The following TCF24 variants were observed in gnomAD, a reference collection of about 807,000 sequenced individuals.
TCF24 encodes the protein transcription factor 24.
TCF24 carries 5 observed loss-of-function variants against 9.3 expected under a neutral mutation model. That is an observed-to-expected ratio of 0.54 (90% confidence interval 0.28 to 1.13). The LOEUF (loss-of-function observed/expected upper bound fraction) is 1.13, where lower values mean the gene tolerates loss of function less well. Among genes scored for constraint, TCF24 ranks in the 50% most tolerant of loss-of-function variants. The pLI, the probability that TCF24 is intolerant of heterozygous loss-of-function variation, is 0.09. For synonymous variants in TCF24, 110 were observed against 115.8 expected, an observed-to-expected ratio of 0.95 and a Z score of 0.32; for missense variants, 220 against 236.1, an observed-to-expected ratio of 0.93 and a Z score of 0.45.
chr8:66,957,277 C>T (rs755594330), intron 3 of TCF24, among the ~76,000 whole-genome samples: 27 of 151,252 alleles, frequency 1.8e-4, no homozygotes, highest in East Asian at 3.9e-4. Context: ...ATTAGCTGGG[C>T]GTGGTGGTGG....
intron 3 of TCF24, among the ~76,000 whole-genome samples, chr8:66,956,766 T>C (rs1258626854): frequency 6.6e-6 from 1 of 152,200 alleles, no homozygotes; most frequent in Non-Finnish European, 1.5e-5. Context: ...ACCCCAGTGC[T>C]GTAGTGTTAC....
At chr8:66,948,751 A>G (rs936020102) in intron 3 of TCF24, among the ~76,000 whole-genome samples, 1 of 152,020 alleles carries the variant, frequency 6.6e-6, no homozygotes, top group African/African-American at 2.4e-5. Flanking sequence ...GCTGGAGTGC[A>G]GTGGCACAAT....
intron 3 of TCF24, among the ~76,000 whole-genome samples, chr8:66,949,642 A>G (rs1814024914): frequency 6.6e-6 from 1 of 152,134 alleles, no homozygotes; most frequent in Non-Finnish European, 1.5e-5. Context: ...GCTGGGTCAA[A>G]TGGTATTTCT....
intron 3 of TCF24, among the ~76,000 whole-genome samples, chr8:66,957,806 C>T (rs1270803566): frequency 6.9e-6 from 1 of 144,438 alleles, no homozygotes; most frequent in African/African-American, 2.6e-5. Flanking sequence ...ACTAAATACA[C>T]TTGAAAGCAA....
At position 66,955,866 on chromosome 8, in the gene TCF24, A is replaced by G. The variant is rs547868134; in HGVS notation, c.390+5510T>C. Among the ~76,000 whole-genome samples the G allele has an allele frequency of 9.2e-5, 14 of 152,356 alleles. No individual in the cohort carries two copies. In the South Asian group the frequency reaches 2.7e-3, roughly 29 times the overall value. On this transcript the variant is annotated intron_variant, in intron 3 of 3. Transcript: ENST00000563496. ...AAAGAATAAGTGGGCATGTGATACT[A>G]TCTGGAAAGTTTTGTTCTGTGGCAA...
In TCF24 at chr8:66,946,740, T is replaced by C. The variant is rs887713720; in HGVS notation, c.*1311A>G. The C allele has an allele frequency of 6.6e-6, 1 of 152,158 alleles. No homozygotes were observed. Among genetic ancestry groups the C allele is most frequent in the African/African-American group, 2.4e-5 (1 of 41,434 alleles). The allele number at this position is 152,158 out of a possible 1,614,324, so 9.4% of individuals were successfully genotyped here. On this transcript the variant is annotated 3_prime_UTR_variant, in exon 4 of 4. Coordinates refer to ENST00000563496, the MANE Select transcript of TCF24 (RefSeq NM_001193502.2). ...CTGGATGAGAAGAATTAAAAAGTAATACCATCAAAGGCAAAGCTCTACTAA... is the reference window on the plus strand; with the variant it reads ...CTGGATGAGAAGAATTAAAAAGTAACACCATCAAAGGCAAAGCTCTACTAA...
chr8:66,961,047 A>G (rs545748821), intron 3 of TCF24, among the ~76,000 whole-genome samples: 1 of 152,312 alleles, frequency 6.6e-6, no homozygotes, highest in African/African-American at 2.4e-5. Context: ...TCAGATATTA[A>G]ACATTATCAG....
intron 3 of TCF24, among the ~76,000 whole-genome samples, chr8:66,949,686 T>C (rs921367486): frequency 1.1e-4 from 17 of 152,254 alleles, no homozygotes; most frequent in African/African-American, 4.1e-4. Flanking sequence ...CCACACTGAC[T>C]TCCCACAATG....
In TCF24 at chr8:66,954,483, A is replaced by T. The variant is rs202046843; in HGVS notation, c.391-6319T>A. Among the ~76,000 whole-genome samples, 618 of 152,296 alleles carry T rather than the reference A, an allele frequency of 4.1e-3. 32 individuals are homozygous for T. The East Asian group carries it at 0.11, about 27-fold the overall frequency. ...TCTCCAGCTGCGTGCTGGGAGAACC[A>T]CTGCTCTCTTCAAAGCTGTCAGACA... On this transcript the variant is annotated intron_variant, in intron 3 of 3. Coordinates refer to ENST00000563496, the MANE Select transcript of TCF24 (RefSeq NM_001193502.2).
At position 66,948,040 on chromosome 8, in the gene TCF24, C is replaced by G. The variant is rs1280858864; in HGVS notation, c.*11G>C. 15 of 1,504,642 alleles carry G rather than the reference C, an allele frequency of 1.0e-5. No homozygotes were observed. The highest frequency in any genetic ancestry group is 1.3e-5 in the Non-Finnish European group (15 of 1,130,960). The allele number at this position is 1,504,642 out of a possible 1,614,324, so 93.2% of individuals were successfully genotyped here. On this transcript the variant is annotated 3_prime_UTR_variant, in exon 4 of 4. Coordinates refer to ENST00000563496, the MANE Select transcript of TCF24 (RefSeq NM_001193502.2). ...AGCCACCACTTCTACCAGCCCCCAC[C>G]AGGGGAGAGCCTAAGGCTGTGAGTC...
Position 66,948,172 on chromosome 8 carries a change from A to C in TCF24, c.391-8T>G. On this transcript the variant is annotated splice_region_variant and splice_polypyrimidine_tract_variant and intron_variant, in intron 3 of 3. Transcript: ENST00000563496. ...TGATCGCATGGGCCATTTCTGAAAA[A>C]GATTATTTCAACAAGAATTCAAAAG... 6.6e-7 allele frequency: 1 copy of C among 1,524,334 alleles called. No individual in the cohort carries two copies. Among genetic ancestry groups the C allele is most frequent in the South Asian group, 1.2e-5 (1 of 81,890 alleles). The allele number at this position is 1,524,334 out of a possible 1,614,324, so 94.4% of individuals were successfully genotyped here.
intron 3 of TCF24, among the ~76,000 whole-genome samples, chr8:66,951,931 G>A (rs1183682558): frequency 2.7e-5 from 4 of 145,468 alleles, no homozygotes; most frequent in Non-Finnish European, 4.6e-5. Context: ...CTGTGGGATC[G>A]GTGGTGATAT....
rs1166897819 is a variant in TCF24 at position 66,961,445 on chromosome 8, G to C, written c.321C>G (p.Asp107Glu). The C allele has an allele frequency of 6.5e-7, 1 of 1,527,800 alleles. No individual in the cohort carries two copies. 94.6% of individuals were successfully genotyped at this position (1,527,800 alleles called of 1,614,324 possible). Reference sequence around the variant, plus strand: ...CGGCGTCCGCCGGCGCCTCGGCGTCGTCCTGCAGGCTGCGGGTGAGATGCG... The same window carrying C: ...CGGCGTCCGCCGGCGCCTCGGCGTCCTCCTGCAGGCTGCGGGTGAGATGCG... ...YIAHLTRSLQDDAEAPADAGL... is the reference protein window; with the variant it reads ...YIAHLTRSLQEDAEAPADAGL... The change falls in exon 3 of 4, where the codon GAC (aspartate) becomes GAG (glutamate). Residue 107 changes from aspartate to glutamate, a missense_variant. Coordinates refer to ENST00000563496, the MANE Select transcript of TCF24 (RefSeq NM_001193502.2).
In TCF24 at chr8:66,961,527, G is replaced by A. The variant is rs1476216127; in HGVS notation, c.239C>T (p.Pro80Leu). The change falls in exon 3 of 4, where the codon CCG (proline) becomes CTG (leucine). Residue 80 changes from proline to leucine, a missense_variant. By Grantham distance (98) the Pro-to-Leu change is moderately conservative. Coordinates refer to ENST00000563496, the MANE Select transcript of TCF24 (RefSeq NM_001193502.2). ...LELQRTLPSV[P>L]PDTKLSKLDV... is the part of the protein sequence containing the mutation. ...CAGCTTGGACAGCTTGGTGTCGGGC[G>A]GCACGGACGGCAGCGTGCGCTGCAG... 6.6e-7 allele frequency: 1 copy of A among 1,513,322 alleles called. No individual in the cohort carries two copies. Among genetic ancestry groups the A allele is most frequent in the Non-Finnish European group, 8.8e-7 (1 of 1,137,882 alleles). The allele number at this position is 1,513,322 out of a possible 1,614,324, so 93.7% of individuals were successfully genotyped here.
At chr8:66,949,198 C>T (rs1011283667) in intron 3 of TCF24, among the ~76,000 whole-genome samples, 3 of 151,898 alleles carry the variant, frequency 2.0e-5, no homozygotes, top group Admixed American at 6.6e-5. Context: ...TGGTGCGCTG[C>T]ACCCACTAAC....
rs1813985167 is a variant in TCF24 at position 66,947,730 on chromosome 8, T to C, written c.*321A>G. ...GCACCAATAGATATGAACTTTTCTG[T>C]TTGTAATAGATACACTATAGCAATA... On this transcript the variant is annotated 3_prime_UTR_variant, in exon 4 of 4. Coordinates refer to ENST00000563496, the MANE Select transcript of TCF24 (RefSeq NM_001193502.2). 5.8e-6 allele frequency: 1 copy of C among 171,144 alleles called. No homozygotes were observed. Among genetic ancestry groups the C allele is most frequent in the South Asian group, 1.9e-4 (1 of 5,138 alleles). 10.6% of individuals were successfully genotyped at this position (171,144 alleles called of 1,614,324 possible). A position where few individuals can be genotyped will look rare whatever the true frequency, so the allele number is the denominator to read the frequency against.
intron 3 of TCF24, 98 bp downstream of exon 3, chr8:66,961,278 A>T (rs1414270311): frequency 2.3e-6 from 3 of 1,294,870 alleles, no homozygotes; most frequent in Admixed American, 4.1e-5. Flanking sequence ...GCCTCACCCG[A>T]AAAGGAATTA....
chr8:66,961,342 G>A (rs1012019475), intron 3 of TCF24, 34 bp downstream of exon 3: 26 of 1,417,934 alleles, frequency 1.8e-5, no homozygotes, highest in Non-Finnish European at 2.4e-5. Context: ...TCCTGGTCTC[G>A]GCCCCAGCCC....
rs1814256727 is a variant in TCF24 at position 66,961,623 on chromosome 8, C to CCGCT, written c.139_142dup (p.Gly48GlufsTer113). 2.3e-6 allele frequency: 3 copies of CCGCT among 1,276,668 alleles called. No homozygotes were observed. In the East Asian group the frequency reaches 9.4e-5, roughly 40 times the overall value. The allele number at this position is 1,276,668 out of a possible 1,614,324, so 79.1% of individuals were successfully genotyped here. On this transcript the variant is annotated frameshift_variant, in exon 3 of 4. Transcript: ENST00000563496. LOFTEE classifies it high-confidence loss of function. ...CGCCGCATTCGCCGCCGCCGGCCGC[C>CCGCT]CGCTCCCGGAACGCGAGCCGCCCCC... is the stretch of plus-strand genomic sequence containing the variant.
Sources: allele counts gnomAD v4.1 joint callset (sites outside exome capture counted in the v4.1 genomes callset), GRCh38; gene constraint gnomAD v4.1.1; transcripts MANE v1.5; gene names NCBI Gene and HGNC (gene_info 2026-07-23, HGNC 2026-07-21).